Variants in GPR19 observed in about 807,000 individuals in gnomAD.
GPR19 encodes G protein-coupled receptor 19, also known as probable G protein-coupled receptor 19.
A neutral mutation model predicts 28.5 loss-of-function variants in GPR19; 14 were observed. The observed-to-expected ratio is 0.49, with a 90% CI of 0.32 to 0.77. The LOEUF is 0.77. Among genes scored for constraint, GPR19 ranks in the 30% least tolerant of loss-of-function variants. The pLI is 0.03. For missense variants in GPR19, 409 were observed against 504.1 expected, an observed-to-expected ratio of 0.81 and a Z score of 1.81; for synonymous variants, 173 against 184.1, an observed-to-expected ratio of 0.94 and a Z score of 0.49.
rs1946065821 is a variant in GPR19, at chr12:12,684,467, A to G, written c.-139T>C. 6.6e-6 allele frequency: 1 copy of G among 152,294 alleles called. No homozygotes were observed. Among genetic ancestry groups the G allele is most frequent in the Non-Finnish European group, 1.5e-5 (1 of 68,150 alleles). The allele number at this position is 152,294 out of a possible 1,614,324, so 9.4% of individuals were successfully genotyped here. On this transcript the variant is annotated 5_prime_UTR_variant, in exon 3 of 4. It removes an upstream start codon present in the reference 5' UTR. Coordinates refer to ENST00000651487, the MANE Select transcript of GPR19 (RefSeq NM_006143.3). ...ACCAGGAAAGCCTGGAAACACATTCATTTCTGTCCTCTGCCTTCCCCTTGG... is the reference window on the plus strand; with the variant it reads ...ACCAGGAAAGCCTGGAAACACATTCGTTTCTGTCCTCTGCCTTCCCCTTGG...
rs190113834 is a variant in GPR19, at chr12:12,669,583, T to C, written c.-22-7113A>G. 2.7e-3 allele frequency among the ~76,000 whole-genome samples: 406 copies of C among 152,320 alleles called. 2 individuals are homozygous for C. The highest frequency in any genetic ancestry group is 9.3e-3 in the African/African-American group (386 of 41,570). On this transcript the variant is annotated intron_variant, in intron 3 of 3. Transcript: ENST00000651487. ...CTTACATAGGGAACCCTGAGCCAAC[T>C]GTATATACATTTCTTCCCAACTCCA... is the stretch of plus-strand genomic sequence containing the variant.
At chr12:12,682,524 A>G (rs1946036914) in intron 3 of GPR19, among the ~76,000 whole-genome samples, 1 of 152,236 alleles carries the variant, frequency 6.6e-6, no homozygotes, top group Admixed American at 6.5e-5. Context: ...GATAAGTGCT[A>G]GAAATCCAAA....
At chr12:12,689,101 T>A (rs1241924886) in intron 2 of GPR19, among the ~76,000 whole-genome samples, 1 of 152,184 alleles carries the variant, frequency 6.6e-6, no homozygotes, top group Non-Finnish European at 1.5e-5. Context: ...GAAGCTTGCA[T>A]GTCACATGGC....
chr12:12,681,166 T>C (rs1408184796), intron 3 of GPR19, among the ~76,000 whole-genome samples: 1 of 152,186 alleles, frequency 6.6e-6, no homozygotes, highest in African/African-American at 2.4e-5. Flanking sequence ...CCTTGGCTGA[T>C]GGAGAAGAAA....
chr12:12,661,589 A>T lies in GPR19; in HGVS notation c.860T>A (p.Leu287His). The T allele has an allele frequency of 1.2e-6, 2 of 1,614,070 alleles. No individual in the cohort carries two copies. The highest frequency in any genetic ancestry group is 1.7e-6 in the Non-Finnish European group (2 of 1,179,962). ...MFLILNLLFL[L>H]SWLPFHVAQL... Reference sequence around the variant, plus strand: ...AGCTACATGAAAAGGCAGCCAGGAGAGCAAAAACAACAGATTTAAAATGAG... The same window carrying T: ...AGCTACATGAAAAGGCAGCCAGGAGTGCAAAAACAACAGATTTAAAATGAG... The change falls in exon 4 of 4, where the codon CTC becomes CAC. Residue 287 changes from leucine to histidine, a missense_variant. By Grantham distance (99) the Leu-to-His change is moderately conservative (BLOSUM62 -3). Transcript: ENST00000651487. This position sits in a 1 kb window ranked among gnomAD's most constrained non-coding sequence, Gnocchi z 4.2.
chr12:12,711,436 A>G, the GPR19 span, among the ~76,000 whole-genome samples: 1 of 152,150 alleles, frequency 6.6e-6, no homozygotes, highest in Non-Finnish European at 1.5e-5. Flanking sequence ...CCCATGAGAA[A>G]GGGGAAAGAG....
chr12:12,716,884 C>T, the GPR19 span: 1 of 984,672 alleles, frequency 1.0e-6, no homozygotes, highest in Non-Finnish European at 1.2e-6. Flanking sequence ...GCCTCCCCCG[C>T]AGACCACGAG....
chr12:12,703,398 A>T, the GPR19 span: 1 of 985,240 alleles, frequency 1.0e-6, no homozygotes, highest in Non-Finnish European at 1.2e-6. Flanking sequence ...GTGTAACAGG[A>T]ATCTTAGCCA....
At chr12:12,679,012 T>C (rs534947893) in intron 3 of GPR19, among the ~76,000 whole-genome samples, 1 of 152,190 alleles carries the variant, frequency 6.6e-6, no homozygotes, top group East Asian at 1.9e-4. Context: ...GCCCTGGCTG[T>C]TCTCAAACTC....
At chr12:12,707,197 T>C in the GPR19 span, among the ~76,000 whole-genome samples, 1 of 152,252 alleles carries the variant, frequency 6.6e-6, no homozygotes, top group Non-Finnish European at 1.5e-5. Context: ...CAAAATTACA[T>C]GGTCCATGCT....
the GPR19 span, among the ~76,000 whole-genome samples, chr12:12,711,027 G>A: frequency 6.6e-5 from 10 of 152,264 alleles, no homozygotes; most frequent in East Asian, 9.6e-4. Flanking sequence ...AAAGTGGGCC[G>A]GTGTGGTAGC....
chr12:12,694,134 A>AT (rs1254008029), intron 2 of GPR19, among the ~76,000 whole-genome samples: 2 of 142,584 alleles, frequency 1.4e-5, no homozygotes, highest in East Asian at 2.2e-4. Context: ...GGGCATTAGG[A>AT]TTTTTTTAAG....
chr12:12,676,266 C>G (rs1945929596), intron 3 of GPR19, among the ~76,000 whole-genome samples: 1 of 152,166 alleles, frequency 6.6e-6, no homozygotes, highest in African/African-American at 2.4e-5. Context: ...AGTAAATCAA[C>G]CTCCTTGAAC....
At chr12:12,677,119 C>T (rs1412187595) in intron 3 of GPR19, among the ~76,000 whole-genome samples, 3 of 152,152 alleles carry the variant, frequency 2.0e-5, no homozygotes, top group Non-Finnish European at 4.4e-5. Flanking sequence ...TTCACATCAA[C>T]ATTCCGGGTA....
At chr12:12,712,403 C>CA in the GPR19 span, among the ~76,000 whole-genome samples, 2 of 152,224 alleles carry the variant, frequency 1.3e-5, no homozygotes, top group Non-Finnish European at 2.9e-5. Flanking sequence ...GTTCAGGAGA[C>CA]AAGTTTGGAC....
chr12:12,706,989 T>C, the GPR19 span, among the ~76,000 whole-genome samples: 1 of 152,226 alleles, frequency 6.6e-6, no homozygotes, highest in Non-Finnish European at 1.5e-5. Flanking sequence ...TCAATTGGCA[T>C]AAAATCCAGC....
At chr12:12,679,480 C>A (rs1945986548) in intron 3 of GPR19, among the ~76,000 whole-genome samples, 1 of 151,082 alleles carries the variant, frequency 6.6e-6, no homozygotes, top group South Asian at 2.1e-4. Flanking sequence ...TGCTTACAGT[C>A]CCAGCTCCTT....
the GPR19 span, among the ~76,000 whole-genome samples, chr12:12,711,922 T>G: frequency 1.3e-5 from 2 of 152,206 alleles, no homozygotes; most frequent in African/African-American, 4.8e-5. Flanking sequence ...CTTAAATCCA[T>G]TGTATCTGTT....
intron 2 of GPR19, among the ~76,000 whole-genome samples, chr12:12,694,272 C>T (rs149872711): frequency 0.17 from 22,830 of 132,554 alleles, 2,068 homozygotes; most frequent in Middle Eastern, 0.33. Context: ...GATCTCGGTT[C>T]ACTGCAAGCT....
Sources: allele counts gnomAD v4.1 joint callset (sites outside exome capture counted in the v4.1 genomes callset), GRCh38; gene constraint gnomAD v4.1.1; non-coding constraint Gnocchi (gnomAD v3.1); transcripts MANE v1.5; gene names NCBI Gene and HGNC (gene_info 2026-07-23, HGNC 2026-07-21).